TULP4: variants seen among roughly 807,000 people sequenced by gnomAD.
The protein encoded by TULP4 is tubby-related protein 4.
TULP4 carries 16 observed loss-of-function variants against 129.0 expected under a neutral mutation model. That is an observed-to-expected ratio of 0.12 (90% CI 0.08 to 0.19). The LOEUF (loss-of-function observed/expected upper bound fraction) is 0.19, where lower values mean the gene tolerates loss of function less well. Among genes scored for constraint, TULP4 ranks in the 10% least tolerant of loss-of-function variants. The pLI is 1.00. For missense variants in TULP4, 1,842 were observed against 2,059.1 expected, an observed-to-expected ratio of 0.89 and a Z score of 2.04; for synonymous variants, 998 against 854.0, an observed-to-expected ratio of 1.17 and a Z score of -2.94.
intron 1 of TULP4, among the ~76,000 whole-genome samples, chr6:158,407,241 A>G (rs769590236): frequency 1.3e-5 from 2 of 152,256 alleles, no homozygotes; most frequent in African/African-American, 2.4e-5. Flanking sequence ...ATTTCTCAAA[A>G]AACACACAAA....
chr6:158,462,811 G>A (rs1381723603), intron 6 of TULP4, among the ~76,000 whole-genome samples: 9 of 144,216 alleles, frequency 6.2e-5, no homozygotes, highest in East Asian at 2.0e-4. Context: ...GTGCAGTGGC[G>A]CCATCTCGGC....
chr6:158,308,814 A>C (rs1583727071), upstream of TULP4, among the ~76,000 whole-genome samples: 3 of 125,254 alleles, frequency 2.4e-5, no homozygotes, highest in African/African-American at 3.1e-5. Flanking sequence ...GGGGCTCCTC[A>C]CTTCCCAGTA....
chr6:158,289,146 T>C (rs1279561486), intron 1 of TULP4, among the ~76,000 whole-genome samples: 2 of 152,236 alleles, frequency 1.3e-5, no homozygotes, highest in Non-Finnish European at 2.9e-5. Context: ...GTAGTTTTGT[T>C]AAATTGTGTT....
chr6:158,371,854 A>G (rs1422946414), intron 1 of TULP4, among the ~76,000 whole-genome samples: 1 of 152,194 alleles, frequency 6.6e-6, no homozygotes, highest in East Asian at 1.9e-4. Context: ...TCTTTCTGTC[A>G]GCCAGACTGG....
chr6:158,456,833 C>CA (rs11354887), intron 5 of TULP4, among the ~76,000 whole-genome samples: 217 of 126,048 alleles, frequency 1.7e-3, no homozygotes, highest in African/African-American at 3.0e-3. Context: ...GACTCCATCT[C>CA]AAAAAAAAAA....
intron 1 of TULP4, among the ~76,000 whole-genome samples, chr6:158,409,298 T>C (rs1008279090): frequency 1.1e-4 from 16 of 152,186 alleles, no homozygotes; most frequent in African/African-American, 3.6e-4. Flanking sequence ...AGAACATGTC[T>C]TATATTGGAG....
At chr6:158,334,449 G>C (rs1056493801) in intron 1 of TULP4, among the ~76,000 whole-genome samples, 5 of 152,058 alleles carry the variant, frequency 3.3e-5, no homozygotes, top group African/African-American at 9.7e-5. Context: ...TAAGAATATG[G>C]TATATAATAC....
intron 8 of TULP4, among the ~76,000 whole-genome samples, chr6:158,483,951 C>T (rs1442962679): frequency 2.0e-5 from 3 of 151,076 alleles, no homozygotes; most frequent in Admixed American, 6.6e-5. Context: ...CAGGGTCTCA[C>T]GGTGTCTCCC....
intron 1 of TULP4, among the ~76,000 whole-genome samples, chr6:158,407,671 T>G (rs1338799896): frequency 1.3e-5 from 2 of 152,166 alleles, no homozygotes; most frequent in African/African-American, 2.4e-5. Flanking sequence ...AGGTAAACAC[T>G]GATACATGGT....
chr6:158,494,639 C>G (rs1780287401), intron 10 of TULP4, 114 bp from the exon 11 acceptor site: 1 of 941,068 alleles, frequency 1.1e-6, no homozygotes, highest in South Asian at 1.8e-5. Context: ...ATGGGTGTTT[C>G]TTGCAGTGCA....
chr6:158,400,575 C>T (rs1777819516), intron 1 of TULP4, among the ~76,000 whole-genome samples: 1 of 152,142 alleles, frequency 6.6e-6, no homozygotes, highest in Admixed American at 6.5e-5. Flanking sequence ...TTTGCATTTA[C>T]TCCATATATG....
chr6:158,439,196 G>A (rs1313163823), intron 3 of TULP4, among the ~76,000 whole-genome samples: 1 of 151,806 alleles, frequency 6.6e-6, no homozygotes, highest in Admixed American at 6.6e-5. Context: ...ATAATTTACC[G>A]ATATTTGGTG....
chr6:158,237,211 G>T, intron 1 of TULP4: 1 of 731,712 alleles, frequency 1.4e-6, no homozygotes, highest in Non-Finnish European at 2.3e-6. Flanking sequence ...GAAACACAAG[G>T]AATTATTTAT....
At chr6:158,486,787 C>T (rs371963784) in intron 8 of TULP4, among the ~76,000 whole-genome samples, 10 of 152,084 alleles carry the variant, frequency 6.6e-5, no homozygotes, top group South Asian at 6.2e-4. Flanking sequence ...CCATTAAAAC[C>T]GTTTTTAAAG....
At chr6:158,479,572 A>C (rs1228382019) in intron 6 of TULP4, among the ~76,000 whole-genome samples, 179 bp from the exon 7 acceptor site, 1 of 152,062 alleles carries the variant, frequency 6.6e-6, no homozygotes, top group Admixed American at 6.6e-5. Flanking sequence ...CCTCTAGCCA[A>C]TTTTCAATAA....
intron 1 of TULP4, among the ~76,000 whole-genome samples, chr6:158,266,602 T>C (rs947808963): frequency 2.6e-5 from 4 of 152,164 alleles, no homozygotes; most frequent in Non-Finnish European, 1.5e-5. Flanking sequence ...TGGCTCTACA[T>C]ATCCGCAGGT....
At chr6:158,297,058 G>C (rs1003796771) in intron 1 of TULP4, among the ~76,000 whole-genome samples, 3 of 152,142 alleles carry the variant, frequency 2.0e-5, no homozygotes, top group Non-Finnish European at 4.4e-5. Context: ...TAAGCCTGAG[G>C]GTACTGCAGG....
chr6:158,431,398 C>A (rs1381891822), intron 3 of TULP4, among the ~76,000 whole-genome samples: 1 of 152,168 alleles, frequency 6.6e-6, no homozygotes, highest in Non-Finnish European at 1.5e-5. Context: ...GTGATGGAAC[C>A]CATGAGCCAT....
At chr6:158,419,080 A>G (rs1260895202) in intron 2 of TULP4, among the ~76,000 whole-genome samples, 1 of 152,362 alleles carries the variant, frequency 6.6e-6, no homozygotes, top group Non-Finnish European at 1.5e-5. Context: ...ACCAGACAGT[A>G]TAATTGGTTG....
Sources: allele counts gnomAD v4.1 joint callset (sites outside exome capture counted in the v4.1 genomes callset), GRCh38; gene constraint gnomAD v4.1.1; transcripts MANE v1.5; gene names NCBI Gene and HGNC (gene_info 2026-07-23, HGNC 2026-07-21).